The following GCNT2 variants were observed in gnomAD, a reference collection of about 807,000 sequenced individuals.
The protein encoded by GCNT2 is N-acetyllactosaminide beta-1,6-N-acetylglucosaminyl-transferase.
Under a neutral mutation model 34.2 loss-of-function variants are expected in GCNT2, and 34 were observed. The ratio of observed to expected loss-of-function variants is 1.00; its 90% CI spans 0.76 to 1.32. The LOEUF is 1.32. Ranked by LOEUF, GCNT2 falls within the 40% of genes most tolerant of loss-of-function variation. The pLI is 0.00. For synonymous variants in GCNT2, 212 were observed against 188.0 expected (o/e 1.13, Z -1.04); for missense variants, 584 against 489.4 (o/e 1.19, Z -1.82).
At chr6:10,575,763 G>T (rs955742178) in intron 3 of GCNT2, among the ~76,000 whole-genome samples, 4 of 152,118 alleles carry the variant, frequency 2.6e-5, no homozygotes, top group Non-Finnish European at 5.9e-5. Context: ...GTAAATGGCC[G>T]GTCCTTGCCT....
rs781070095 is a variant in GCNT2, at chr6:10,529,291, A to C, written c.380A>C (p.His127Pro). The C allele has an allele frequency of 1.9e-6, 3 of 1,614,190 alleles. No homozygotes were observed. Among genetic ancestry groups the C allele is most frequent in the Admixed American group, 1.7e-5 (1 of 60,014 alleles). ...ATGCCCCAAAATGTCTACTGTGTGCACCTGGATCAGAAGGCGACGGATGCC... is the reference window on the plus strand; with the variant it reads ...ATGCCCCAAAATGTCTACTGTGTGCCCCTGGATCAGAAGGCGACGGATGCC... ...IYMPQNVYCV[H>P]LDQKATDAFK... The change falls in exon 3 of 5, where the codon CAC (histidine) becomes CCC (proline). Residue 127 changes from histidine to proline, a missense_variant. By Grantham distance (77) the His-to-Pro change is moderately conservative. Transcript: ENST00000495262.
chr6:10,589,469 G>C (rs546331511), intron 3 of GCNT2, among the ~76,000 whole-genome samples: 150 of 151,986 alleles, frequency 9.9e-4, no homozygotes, highest in African/African-American at 3.3e-3. Context: ...GGCTTGTCAG[G>C]GTCACTGTGC....
At chr6:10,576,778 A>G (rs1561812311) in intron 3 of GCNT2, among the ~76,000 whole-genome samples, 1 of 152,212 alleles carries the variant, frequency 6.6e-6, no homozygotes, top group Non-Finnish European at 1.5e-5. Context: ...GCAGGAGCTC[A>G]GAAGCACTCA....
chr6:10,610,432 A>G (rs1765500295), intron 3 of GCNT2, among the ~76,000 whole-genome samples: 1 of 152,228 alleles, frequency 6.6e-6, no homozygotes, highest in African/African-American at 2.4e-5. Flanking sequence ...GCTAAAAATT[A>G]TAAACAGCAG....
At chr6:10,552,388 G>C (rs1033761416) in intron 3 of GCNT2, among the ~76,000 whole-genome samples, 2 of 151,822 alleles carry the variant, frequency 1.3e-5, no homozygotes, top group Non-Finnish European at 2.9e-5. Context: ...TGAATCCTTG[G>C]ATTCAACCAA....
At chr6:10,575,789 C>T (rs551467878) in intron 3 of GCNT2, among the ~76,000 whole-genome samples, 4 of 152,272 alleles carry the variant, frequency 2.6e-5, no homozygotes, top group African/African-American at 9.6e-5. Context: ...GATGACATTA[C>T]CTTGTGAAAG....
intron 3 of GCNT2, among the ~76,000 whole-genome samples, chr6:10,587,719 T>C (rs1444981827): frequency 6.6e-6 from 1 of 152,202 alleles, no homozygotes; most frequent in Non-Finnish European, 1.5e-5. Flanking sequence ...AGCTCCCTCG[T>C]TGGTTCAGGA....
chr6:10,626,600 A>G lies in GCNT2; in HGVS notation c.1202A>G (p.Tyr401Cys), dbSNP rs1053585773. ...GAAACTGCGATACAACCCAGCTGGT[A>G]TTTTTGAGCTATTCATGAGCTACTC... ...QSETAIQPSWYF is the reference protein window; with the variant it reads ...QSETAIQPSWCF Residue 401 changes from tyrosine (Y) to cysteine (C), a missense_variant, in exon 5 of 5, where the codon TAT becomes TGT. Transcript: ENST00000495262. The G allele has an allele frequency of 5.6e-6, 9 of 1,612,662 alleles. No homozygotes were observed. In the African/African-American group the frequency reaches 1.2e-4, roughly 22 times the overall value.
At position 10,580,277 on chromosome 6, in the gene GCNT2, G is replaced by T. The variant is rs184907471; in HGVS notation, c.926-41074G>T. ...GCATTAATTGCCAGGGGTCAGGGGG[G>T]TGGGGAGGGATGCAGGCTCTCTCAT... On this transcript the variant is annotated intron_variant, in intron 3 of 4. Transcript: ENST00000495262. Among the ~76,000 whole-genome samples the T allele has an allele frequency of 7.7e-3, 1,164 of 151,612 alleles. 6 individuals are homozygous for T. Among genetic ancestry groups the T allele is most frequent in the Non-Finnish European group, 0.012 (832 of 68,016 alleles).
At chr6:10,536,687 T>G (rs1056563632) in intron 3 of GCNT2, among the ~76,000 whole-genome samples, 2 of 150,142 alleles carry the variant, frequency 1.3e-5, no homozygotes, top group Admixed American at 6.6e-5. Flanking sequence ...AATCAGAGAG[T>G]TGGGACACCT....
intron 3 of GCNT2, among the ~76,000 whole-genome samples, chr6:10,584,400 T>C (rs933780940): frequency 6.6e-6 from 1 of 152,212 alleles, no homozygotes; most frequent in Non-Finnish European, 1.5e-5. Context: ...TGGTTTTACA[T>C]TTGTCATTCC....
intron 4 of GCNT2, among the ~76,000 whole-genome samples, chr6:10,621,797 C>T (rs1365176095): frequency 6.6e-6 from 1 of 152,152 alleles, no homozygotes; most frequent in African/African-American, 2.4e-5. Flanking sequence ...GCAGCCTCAA[C>T]ATCCTGGGTT....
At chr6:10,572,419 G>A (rs931490920) in intron 3 of GCNT2, among the ~76,000 whole-genome samples, 5 of 152,150 alleles carry the variant, frequency 3.3e-5, no homozygotes, top group Non-Finnish European at 5.9e-5. Flanking sequence ...GTTTAAGGAT[G>A]TCATCTAAAA....
intron 3 of GCNT2, among the ~76,000 whole-genome samples, chr6:10,616,663 TAC>T (rs1213080792): frequency 4.6e-5 from 7 of 152,188 alleles, no homozygotes; most frequent in Admixed American, 1.3e-4. Context: ...AGTAACTAGA[TAC>T]AGAGTGCCGA....
chr6:10,524,258 T>TC (rs1340621829), intron 1 of GCNT2, among the ~76,000 whole-genome samples: 1 of 151,826 alleles, frequency 6.6e-6, no homozygotes, highest in East Asian at 1.9e-4. Flanking sequence ...GGGCTTTTTT[T>TC]TTTTTTTTTT....
At chr6:10,587,216 A>G (rs1764394730) in intron 3 of GCNT2, among the ~76,000 whole-genome samples, 1 of 152,230 alleles carries the variant, frequency 6.6e-6, no homozygotes, top group South Asian at 2.1e-4. Context: ...AGCTGTAACA[A>G]ACAAAATTGA....
intron 3 of GCNT2, among the ~76,000 whole-genome samples, chr6:10,559,071 GCT>G (rs1491276086): frequency 8.0e-6 from 1 of 125,510 alleles, no homozygotes; most frequent in African/African-American, 3.1e-5. Flanking sequence ...CTAAATTGTT[GCT>G]TTTTTTTTTT....
At chr6:10,536,653 C>T (rs1761770154) in intron 3 of GCNT2, among the ~76,000 whole-genome samples, 1 of 151,110 alleles carries the variant, frequency 6.6e-6, no homozygotes, top group Non-Finnish European at 1.5e-5. Flanking sequence ...CGTGCCCGGT[C>T]TCTTGTCAAC....
intron 3 of GCNT2, among the ~76,000 whole-genome samples, chr6:10,591,315 G>T (rs1764631767): frequency 1.3e-5 from 2 of 152,202 alleles, no homozygotes; most frequent in Admixed American, 1.3e-4. Context: ...GAGAAGATGG[G>T]CAGAACCTAT....
Sources: gnomAD v4.1 joint callset for allele counts (sites outside exome capture counted in the v4.1 genomes callset) on GRCh38, gnomAD v4.1.1 for gene constraint, MANE v1.5 for transcripts, NCBI Gene and HGNC (gene_info 2026-07-23, HGNC 2026-07-21) for gene names.